RGS6: variants seen among roughly 807,000 people sequenced by gnomAD.
The protein encoded by RGS6 is regulator of G protein signaling 6.
RGS6 carries 30 observed loss-of-function variants against 78.5 expected under a neutral mutation model. The ratio of observed to expected loss-of-function variants is 0.38; its 90% CI spans 0.29 to 0.52. The LOEUF (loss-of-function observed/expected upper bound fraction) is 0.52. Among genes scored for constraint, RGS6 ranks in the 20% least tolerant of loss-of-function variants. The probability of loss-of-function intolerance (pLI) is 0.85; values close to 1 mark genes in which losing one functional copy is unlikely to be tolerated. For missense variants in RGS6, 495 were observed against 609.7 expected, an observed-to-expected ratio of 0.81 and a Z score of 1.98; for synonymous variants, 206 against 206.0, an observed-to-expected ratio of 1.00 and a Z score of 0.00.
intron 2 of RGS6, among the ~76,000 whole-genome samples, chr14:72,256,076 T>G (rs574105845): frequency 1.3e-5 from 2 of 152,304 alleles, no homozygotes; most frequent in South Asian, 4.1e-4. Flanking sequence ...ACTGAGACAG[T>G]AGTGTTGCAG....
chr14:71,983,025 GAAGAA>G (rs1214009655), intron 2 of RGS6, among the ~76,000 whole-genome samples: 4 of 152,182 alleles, frequency 2.6e-5, no homozygotes, highest in African/African-American at 9.7e-5. Flanking sequence ...TGGTAGAGGT[GAAGAA>G]AAGTGAAACT....
intron 2 of RGS6, among the ~76,000 whole-genome samples, chr14:72,297,433 T>TATTA (rs1390646561): frequency 0.037 from 5,458 of 146,920 alleles, 301 homozygotes; most frequent in African/African-American, 0.14. Context: ...ATTATTATTT[T>TATTA]TTTTTTATAC....
At chr14:72,118,532 T>A (rs1188789730) in intron 2 of RGS6, among the ~76,000 whole-genome samples, 4 of 152,172 alleles carry the variant, frequency 2.6e-5, no homozygotes, top group African/African-American at 9.7e-5. Flanking sequence ...CCCAGCTGTC[T>A]GCGTGGAAAT....
intron 2 of RGS6, among the ~76,000 whole-genome samples, chr14:72,337,016 A>G (rs1169367345): frequency 6.6e-6 from 1 of 152,196 alleles, no homozygotes; most frequent in Non-Finnish European, 1.5e-5. Flanking sequence ...TCCAAATGAG[A>G]TCACATTCTG....
At chr14:72,550,554 C>T (rs2097490548) in intron 17 of RGS6, 1 of 1,535,668 alleles carries the variant, frequency 6.5e-7, no homozygotes, top group South Asian at 1.2e-5. Flanking sequence ...AACACTTAAC[C>T]CAACCTTGTA....
chr14:71,900,692 TG>T, the RGS6 span, among the ~76,000 whole-genome samples: 1 of 152,202 alleles, frequency 6.6e-6, no homozygotes. Flanking sequence ...CACACAGAAC[TG>T]TGCCTTATTA....
intron 2 of RGS6, among the ~76,000 whole-genome samples, chr14:72,283,796 G>T (rs1420878099): frequency 6.6e-6 from 1 of 152,218 alleles, no homozygotes; most frequent in Non-Finnish European, 1.5e-5. Flanking sequence ...GTAACAGGGA[G>T]AGGCTGGAAG....
At chr14:72,134,828 G>A (rs749905135) in intron 2 of RGS6, among the ~76,000 whole-genome samples, 21 of 152,174 alleles carry the variant, frequency 1.4e-4, no homozygotes, top group Admixed American at 2.0e-4. Context: ...TGCTCAAGAA[G>A]AGAGAGAGTG....
intron 2 of RGS6, among the ~76,000 whole-genome samples, chr14:72,061,477 T>C (rs955445465): frequency 2.6e-5 from 4 of 152,276 alleles, no homozygotes; most frequent in African/African-American, 9.6e-5. Flanking sequence ...TACTCTTTAT[T>C]TAGCCACATT....
intron 2 of RGS6, among the ~76,000 whole-genome samples, chr14:72,251,935 A>G (rs1203809194): frequency 6.6e-6 from 1 of 152,248 alleles, no homozygotes; most frequent in Non-Finnish European, 1.5e-5. Context: ...ACATTTTCTA[A>G]TGACTATTAG....
chr14:72,161,654 A>G (rs1038065584), intron 2 of RGS6, among the ~76,000 whole-genome samples: 15 of 152,214 alleles, frequency 9.9e-5, no homozygotes, highest in Non-Finnish European at 1.3e-4. Flanking sequence ...TTCTGTTTCT[A>G]TGAAGTTTCT....
chr14:72,432,542 A>G (rs915526423), intron 3 of RGS6, among the ~76,000 whole-genome samples: 14 of 152,220 alleles, frequency 9.2e-5, no homozygotes, highest in Admixed American at 3.9e-4. Flanking sequence ...AACCAGATCT[A>G]TTTATAAGTT....
At chr14:72,161,738 T>A in intron 2 of RGS6, among the ~76,000 whole-genome samples, 1 of 152,258 alleles carries the variant, frequency 6.6e-6, no homozygotes, top group Non-Finnish European at 1.5e-5. Context: ...AACAATGCCT[T>A]TCATGTCAAT....
Position 72,217,524 on chromosome 14 carries a change from G to A in RGS6, c.85-134571G>A, listed in dbSNP as rs541379906. Among the ~76,000 whole-genome samples, 50 of 152,094 alleles carry A rather than the reference G, an allele frequency of 3.3e-4. No homozygotes were observed. The East Asian group carries it at 5.8e-3, about 18-fold the overall frequency. ...ATCTGCATTTTGTTTATATTCAACT[G>A]AATTTTCTTTTTTATAGTTTTTTTC... On this transcript the variant is annotated intron_variant, in intron 2 of 17. Coordinates refer to ENST00000553525, the MANE Select transcript of RGS6 (RefSeq NM_001204424.2).
chr14:72,624,877 G>A, the RGS6 span, among the ~76,000 whole-genome samples: 1 of 152,216 alleles, frequency 6.6e-6, no homozygotes, highest in African/African-American at 2.4e-5. Flanking sequence ...TACCACTAAA[G>A]TAATGTTGTG....
chr14:72,344,134 A>G (rs1262833847), intron 2 of RGS6, among the ~76,000 whole-genome samples: 1 of 152,226 alleles, frequency 6.6e-6, no homozygotes, highest in Non-Finnish European at 1.5e-5. Context: ...AAGTATCAAC[A>G]AGCCATTTGA....
chr14:72,175,579 T>C (rs1435121066), intron 2 of RGS6, among the ~76,000 whole-genome samples: 1 of 152,190 alleles, frequency 6.6e-6, no homozygotes, highest in African/African-American at 2.4e-5. Flanking sequence ...TTGTGTGGAA[T>C]GTAGAAGATC....
chr14:72,544,304 G>A (rs555366048), intron 17 of RGS6, among the ~76,000 whole-genome samples: 5 of 152,340 alleles, frequency 3.3e-5, no homozygotes, highest in South Asian at 2.1e-4. Context: ...AGAAAAAGCC[G>A]CAGAGGGTGA....
chr14:71,889,156 AG>A, the RGS6 span, among the ~76,000 whole-genome samples: 3 of 152,032 alleles, frequency 2.0e-5, no homozygotes, highest in Admixed American at 1.3e-4. Context: ...TCCAGGGGAG[AG>A]GAGAACATGT....
Sources: gnomAD v4.1 joint callset for allele counts (sites outside exome capture counted in the v4.1 genomes callset) on GRCh38, gnomAD v4.1.1 for gene constraint, MANE v1.5 for transcripts, NCBI Gene and HGNC (gene_info 2026-07-23, HGNC 2026-07-21) for gene names.